Variants in ASAP2 observed in about 807,000 individuals in gnomAD.
ASAP2 encodes the protein ArfGAP with SH3 domain, ankyrin repeat and PH domain 2.
A neutral mutation model predicts 131.4 loss-of-function variants in ASAP2; 45 were observed. The observed-to-expected ratio is 0.34, with a 90% CI of 0.27 to 0.44. ASAP2 has a LOEUF of 0.44. ASAP2 is among the 20% of genes least tolerant of loss of function. The probability of loss-of-function intolerance (pLI) is 1.00; values close to 1 mark genes in which losing one functional copy is unlikely to be tolerated. For missense variants in ASAP2, 1,011 were observed against 1,297.0 expected, an observed-to-expected ratio of 0.78 and a Z score of 3.39; for synonymous variants, 510 against 503.0, an observed-to-expected ratio of 1.01 and a Z score of -0.19.
chr2:9,210,541 G>A (rs186441263), intron 1 of ASAP2, among the ~76,000 whole-genome samples: 3 of 152,072 alleles, frequency 2.0e-5, no homozygotes, highest in South Asian at 2.1e-4. Flanking sequence ...AAACACTACC[G>A]TGTATCTGTT....
intron 1 of ASAP2, among the ~76,000 whole-genome samples, chr2:9,270,810 T>TTTTTTTTTTTTTTTTA (rs1666314848): frequency 9.2e-6 from 1 of 108,114 alleles, no homozygotes; most frequent in Non-Finnish European, 1.9e-5. Context: ...TTTTTTTTTT[T>TTTTTTTTTTTTTTTTA]GAGACGGAGT....
chr2:9,389,504 C>A lies in ASAP2; in HGVS notation c.2383+958C>A, dbSNP rs1046150852. Among the ~76,000 whole-genome samples the A allele has an allele frequency of 6.6e-6, 1 of 152,210 alleles. No homozygotes were observed. The highest frequency in any genetic ancestry group is 1.9e-4 in the East Asian group (1 of 5,194). On this transcript the variant is annotated intron_variant, in intron 22 of 27. Transcript: ENST00000281419. The surrounding 1 kb of genome is among the most constrained non-coding windows in gnomAD (Gnocchi z 4.7). ...CGTGAGGGTGGCTGAGGCCGGGAGA[C>A]CTGGCCCAGGGCTGAGCAGACGGCT...
At chr2:9,266,657 C>G (rs369283099) in intron 1 of ASAP2, among the ~76,000 whole-genome samples, 1 of 152,144 alleles carries the variant, frequency 6.6e-6, no homozygotes, top group African/African-American at 2.4e-5. Flanking sequence ...GGAATGGAAT[C>G]TCAGAAAGGA....
At position 9,217,763 on chromosome 2, in the gene ASAP2, T is replaced by C. The variant is rs370638854; in HGVS notation, c.126+10533T>C. Among the ~76,000 whole-genome samples the C allele has an allele frequency of 2.6e-5, 4 of 151,932 alleles. No homozygotes were observed. Among genetic ancestry groups the C allele is most frequent in the African/African-American group, 7.3e-5 (3 of 41,376 alleles). ...CCGAGTAGCTGGGACTACAGGCGCCTGCCACCACGCCCGGCTAATTTTTGG... is the reference window on the plus strand; with the variant it reads ...CCGAGTAGCTGGGACTACAGGCGCCCGCCACCACGCCCGGCTAATTTTTGG... On this transcript the variant is annotated intron_variant, in intron 1 of 27. Coordinates refer to ENST00000281419, the MANE Select transcript of ASAP2 (RefSeq NM_003887.3). The surrounding 1 kb of genome is among the most constrained non-coding windows in gnomAD (Gnocchi z 4.0).
chr2:9,380,525 T>C (rs1396168140), intron 19 of ASAP2, among the ~76,000 whole-genome samples: 2 of 152,212 alleles, frequency 1.3e-5, no homozygotes, highest in Non-Finnish European at 1.5e-5. Flanking sequence ...TAGTTCAAAC[T>C]TCATCTTTTA....
chr2:9,336,775 C>T (rs191079163), intron 9 of ASAP2, among the ~76,000 whole-genome samples: 2 of 152,312 alleles, frequency 1.3e-5, no homozygotes, highest in African/African-American at 2.4e-5. Flanking sequence ...AGTGGGCTAG[C>T]GGTAACGAGG....
intron 11 of ASAP2, among the ~76,000 whole-genome samples, chr2:9,345,505 A>G (rs945334015): frequency 6.6e-6 from 1 of 152,150 alleles, no homozygotes; most frequent in Non-Finnish European, 1.5e-5. Flanking sequence ...AGCGTTATAC[A>G]TACTATTGCC....
intron 1 of ASAP2, among the ~76,000 whole-genome samples, chr2:9,225,402 G>C (rs1662686894): frequency 6.6e-6 from 1 of 152,172 alleles, no homozygotes; most frequent in Non-Finnish European, 1.5e-5. Flanking sequence ...GCTTGGTATG[G>C]TGACCCAGGG....
rs1246007797 is a variant in ASAP2, at chr2:9,207,860, G to A, written c.126+630G>A. Among the ~76,000 whole-genome samples, 2 of 152,182 alleles carry A rather than the reference G, an allele frequency of 1.3e-5. No homozygotes were observed. The highest frequency in any genetic ancestry group is 2.4e-5 in the African/African-American group (1 of 41,446). ...TCCAGGAGCCGCTCCCCGGTTACCTGGGTCTCACCTGCTTGAACCCGGAAT... is the reference window on the plus strand; with the variant it reads ...TCCAGGAGCCGCTCCCCGGTTACCTAGGTCTCACCTGCTTGAACCCGGAAT... On this transcript the variant is annotated intron_variant, in intron 1 of 27. Transcript: ENST00000281419. The surrounding 1 kb of genome is among the most constrained non-coding windows in gnomAD (Gnocchi z 4.1).
intron 1 of ASAP2, among the ~76,000 whole-genome samples, chr2:9,236,751 C>A (rs1448000423): frequency 6.6e-6 from 1 of 152,060 alleles, no homozygotes; most frequent in African/African-American, 2.4e-5. Context: ...AAAGATCCTG[C>A]CTTTAAATTT....
chr2:9,328,227 A>G (rs1196996040), intron 7 of ASAP2, among the ~76,000 whole-genome samples: 3 of 152,304 alleles, frequency 2.0e-5, no homozygotes, highest in Non-Finnish European at 4.4e-5. Flanking sequence ...GCTAACGGGT[A>G]TAGGGTTTCT....
At chr2:9,329,774 C>A (rs75276642) in intron 7 of ASAP2, among the ~76,000 whole-genome samples, 1 of 152,338 alleles carries the variant, frequency 6.6e-6, no homozygotes, top group East Asian at 1.9e-4. Flanking sequence ...GCAGGCTGTG[C>A]CACCAGCAGC....
chr2:9,341,548 G>A lies in ASAP2; in HGVS notation c.850-2984G>A, dbSNP rs115974268. 5.7e-3 allele frequency among the ~76,000 whole-genome samples: 873 copies of A among 152,280 alleles called. 12 individuals are homozygous for A. Among genetic ancestry groups the A allele is most frequent in the African/African-American group, 0.02 (827 of 41,560 alleles). On this transcript the variant is annotated intron_variant, in intron 9 of 27. Coordinates refer to ENST00000281419, the MANE Select transcript of ASAP2 (RefSeq NM_003887.3). ...TCGCTCTGATTAATATGCGCGGCAC[G>A]AACAGTGTTAGCGGTGTTGTCACAT... is the stretch of plus-strand genomic sequence containing the variant.
rs1198190645 is a variant in ASAP2, at chr2:9,356,115, G to A, written c.1160+20G>A. On this transcript the variant is annotated intron_variant, in intron 13 of 27. Transcript: ENST00000281419. ...TCAAATGTAAGTTACATGGTGGTGG[G>A]ACTTTGGGCTGGACTCAGCCGTTGT... The A allele has an allele frequency of 1.2e-6, 2 of 1,614,086 alleles. No homozygotes were observed. Among genetic ancestry groups the A allele is most frequent in the Non-Finnish European group, 1.7e-6 (2 of 1,180,046 alleles).
intron 3 of ASAP2, among the ~76,000 whole-genome samples, chr2:9,317,215 ACACT>A (rs75460142): frequency 0.3 from 43,510 of 145,362 alleles, 6,639 homozygotes; most frequent in Non-Finnish European, 0.35. Flanking sequence ...ACTCACATCC[ACACT>A]CACACAATCA....
intron 24 of ASAP2, 103 bp from the exon 25 acceptor site, chr2:9,399,920 C>T: frequency 1.6e-6 from 2 of 1,221,632 alleles, no homozygotes; most frequent in Non-Finnish European, 2.4e-6. Flanking sequence ...AACCACCTCA[C>T]ACACTCTGAG....
chr2:9,396,187 G>A (rs1047600134), intron 24 of ASAP2, among the ~76,000 whole-genome samples: 2 of 152,008 alleles, frequency 1.3e-5, no homozygotes, highest in Admixed American at 6.6e-5. Flanking sequence ...CCTTCCAGAG[G>A]GTCCTGAGCC....
intron 20 of ASAP2, among the ~76,000 whole-genome samples, chr2:9,382,577 A>G (rs1572601153): frequency 6.6e-6 from 1 of 152,328 alleles, no homozygotes; most frequent in East Asian, 1.9e-4. Context: ...TCCTGGTTGA[A>G]AAGGCTGGGT....
intron 11 of ASAP2, among the ~76,000 whole-genome samples, chr2:9,345,636 C>G (rs1026554414): frequency 2.6e-5 from 4 of 152,012 alleles, no homozygotes; most frequent in Non-Finnish European, 5.9e-5. Context: ...TGTTTGCATT[C>G]CCATTCCCCA....
Sources: allele counts gnomAD v4.1 joint callset (sites outside exome capture counted in the v4.1 genomes callset), GRCh38; gene constraint gnomAD v4.1.1; non-coding constraint Gnocchi (gnomAD v3.1); transcripts MANE v1.5; gene names NCBI Gene and HGNC (gene_info 2026-07-23, HGNC 2026-07-21).